Variants in MPDZ observed in about 807,000 individuals in gnomAD.
The protein encoded by MPDZ is multiple PDZ domain protein.
A neutral mutation model predicts 239.1 loss-of-function variants in MPDZ; 234 were observed. The ratio of observed to expected loss-of-function variants is 0.98; its 90% CI spans 0.88 to 1.09. The LOEUF (loss-of-function observed/expected upper bound fraction) is 1.09, where lower values mean the gene tolerates loss of function less well. MPDZ is among the 50% of genes least tolerant of loss of function. The probability of loss-of-function intolerance (pLI) is 0.00; values close to 1 mark genes in which losing one functional copy is unlikely to be tolerated. For missense variants in MPDZ, 3,175 were observed against 2,510.0 expected (o/e 1.26, Z -5.66); for synonymous variants, 1,048 against 881.3 (o/e 1.19, Z -3.35).
intron 1 of MPDZ, among the ~76,000 whole-genome samples, chr9:13,273,775 CATTGACT>C (rs1369857589): frequency 6.6e-6 from 1 of 152,188 alleles, no homozygotes; most frequent in African/African-American, 2.4e-5. Context: ...TCAGTATAAA[CATTGACT>C]ATTAACACTT....
rs61753787 is a variant in MPDZ, at chr9:13,222,322, T to A, written c.658A>T (p.Ile220Phe). The A allele has an allele frequency of 4.2e-5, 68 of 1,612,904 alleles. 1 individual carries two copies. In the African/African-American group the frequency reaches 8.9e-4, roughly 21 times the overall value. ...AGCTGAGGCAATGAGCCTCTGGCAA[T>A]AACTAGCTGGACAGTATCTTTGGCT... ...QKAKDTVQLV[I>F]ARGSLPQLVS... is the part of the protein sequence containing the mutation. The change falls in exon 6 of 47, where the codon ATT (isoleucine) becomes TTT (phenylalanine). Residue 220 changes from isoleucine (I) to phenylalanine (F), a missense_variant. Transcript: ENST00000319217.
At chr9:13,269,651 A>G (rs1397158301) in intron 1 of MPDZ, among the ~76,000 whole-genome samples, 1 of 152,228 alleles carries the variant, frequency 6.6e-6, no homozygotes, top group East Asian at 1.9e-4. Context: ...TGTTCACAAT[A>G]AAAGAAGTAT....
At chr9:13,242,215 CTTTTTTTTTTTTT>C (rs145555644) in intron 3 of MPDZ, among the ~76,000 whole-genome samples, 1 of 50,754 alleles carries the variant, frequency 2.0e-5, no homozygotes, top group Non-Finnish European at 3.3e-5. Context: ...TGTTAGGATG[CTTTTTTTTTTTTT>C]TTTTTTTTTT....
chr9:13,161,065 T>G (rs1435235841), intron 23 of MPDZ, among the ~76,000 whole-genome samples: 1 of 151,272 alleles, frequency 6.6e-6, no homozygotes, highest in Admixed American at 6.6e-5. Context: ...GAGGGACAAT[T>G]ATACTCCTTT....
intron 19 of MPDZ, among the ~76,000 whole-genome samples, chr9:13,180,813 G>A (rs1953210406): frequency 6.6e-6 from 1 of 151,800 alleles, no homozygotes. Flanking sequence ...TTGAGTAATT[G>A]TTATTTCCCG....
intron 19 of MPDZ, among the ~76,000 whole-genome samples, chr9:13,181,805 C>T (rs543112712): frequency 7.9e-5 from 12 of 152,248 alleles, no homozygotes; most frequent in Non-Finnish European, 1.6e-4. Context: ...ACAATGCAAT[C>T]TGTCCACTGG....
chr9:13,161,718 A>C (rs1050277224), intron 23 of MPDZ, among the ~76,000 whole-genome samples: 1 of 152,122 alleles, frequency 6.6e-6, no homozygotes, highest in Non-Finnish European at 1.5e-5. Flanking sequence ...TGAGAGTGTA[A>C]AATGGTACAT....
Position 13,121,102 on chromosome 9 carries a change from T to C in MPDZ, c.5231+637A>G, listed in dbSNP as rs1944274506. On this transcript the variant is annotated intron_variant, in intron 38 of 46. Transcript: ENST00000319217. The stretch of plus-strand genomic sequence containing the variant: ...TGTACTCATATACAAATGAATTAGG[T>C]TGTGAATTTTTGCGCATTCACTATT... Among the ~76,000 whole-genome samples the C allele has an allele frequency of 2.6e-5, 4 of 152,336 alleles. No individual in the cohort carries two copies. In the South Asian group the frequency reaches 8.3e-4, roughly 32 times the overall value.
intron 28 of MPDZ, among the ~76,000 whole-genome samples, chr9:13,139,505 AG>A (rs774585782): frequency 6.6e-6 from 1 of 152,220 alleles, no homozygotes; most frequent in Non-Finnish European, 1.5e-5. Flanking sequence ...GATAACCACT[AG>A]GCTAAAGCTT....
intron 8 of MPDZ, among the ~76,000 whole-genome samples, chr9:13,218,002 T>C (rs1958580542): frequency 6.6e-6 from 1 of 151,818 alleles, no homozygotes; most frequent in African/African-American, 2.4e-5. Flanking sequence ...CAATAAGCTA[T>C]TGGTACTATG....
chr9:13,270,074 T>G (rs1213698815), intron 1 of MPDZ, among the ~76,000 whole-genome samples: 1 of 152,188 alleles, frequency 6.6e-6, no homozygotes, highest in African/African-American at 2.4e-5. Flanking sequence ...TTAAAAGGGC[T>G]TATTCTTTCA....
Position 13,263,909 on chromosome 9 carries a change from T to A in MPDZ, c.-57-13537A>T, listed in dbSNP as rs1401868620. Among the ~76,000 whole-genome samples, 3 of 152,304 alleles carry A rather than the reference T, an allele frequency of 2.0e-5. No homozygotes were observed. The East Asian group carries it at 5.8e-4, about 29-fold the overall frequency. ...TGAACAGTTAGTCACACAATATATA[T>A]AAGCTAATACTAAATTATGGAAAAG... On this transcript the variant is annotated intron_variant, in intron 1 of 46. Coordinates refer to ENST00000319217, the MANE Select transcript of MPDZ (RefSeq NM_001378778.1).
At chr9:13,159,637 G>C (rs1342853067) in intron 23 of MPDZ, among the ~76,000 whole-genome samples, 1 of 152,084 alleles carries the variant, frequency 6.6e-6, no homozygotes, top group East Asian at 1.9e-4. Flanking sequence ...GGGATGGGGG[G>C]AGGTCCTTAG....
chr9:13,166,008 A>T (rs905736980), intron 22 of MPDZ, among the ~76,000 whole-genome samples: 3 of 152,154 alleles, frequency 2.0e-5, no homozygotes, highest in Admixed American at 6.6e-5. Context: ...TCTCTCAATA[A>T]GCAATGCTTT....
chr9:13,136,700 G>C lies in MPDZ; in HGVS notation c.4292+12C>G, dbSNP rs572182354. 2 of 1,504,140 alleles carry C rather than the reference G, an allele frequency of 1.3e-6. No individual in the cohort carries two copies. The highest frequency in any genetic ancestry group is 9.1e-7 in the Non-Finnish European group (1 of 1,094,786). The allele number at this position is 1,504,140 out of a possible 1,614,324, so 93.2% of individuals were successfully genotyped here. A position where few individuals can be genotyped will look rare whatever the true frequency, so the allele number is the denominator to read the frequency against. The stretch of plus-strand genomic sequence containing the variant: ...AAAAGTATTTGGTAAACTAGCAAAA[G>C]AAAATGATCACCTGATAAAAATTAT... On this transcript the variant is annotated intron_variant, in intron 30 of 46. Coordinates refer to ENST00000319217, the MANE Select transcript of MPDZ (RefSeq NM_001378778.1).
At chr9:13,131,418 G>A (rs1466458564) in intron 32 of MPDZ, among the ~76,000 whole-genome samples, 3 of 152,082 alleles carry the variant, frequency 2.0e-5, no homozygotes, top group Non-Finnish European at 2.9e-5. Flanking sequence ...CTAATATAAA[G>A]GGATTTTCCT....
chr9:13,199,223 T>C (rs1956090485), intron 12 of MPDZ, among the ~76,000 whole-genome samples: 1 of 152,116 alleles, frequency 6.6e-6, no homozygotes, highest in Non-Finnish European at 1.5e-5. Flanking sequence ...AGAAATCTTT[T>C]ACTTCTTTGT....
rs966987044 is a variant in MPDZ, at chr9:13,133,208, G to A, written c.4464+616C>T. On this transcript the variant is annotated intron_variant, in intron 32 of 46. Coordinates refer to ENST00000319217, the MANE Select transcript of MPDZ (RefSeq NM_001378778.1). ...GAGCAGAAATCAGAAAGGGAAAGAG[G>A]AAGATGTCATCTCTCTTAAATGGCA... 2.6e-5 allele frequency among the ~76,000 whole-genome samples: 4 copies of A among 152,210 alleles called. No homozygotes were observed. The South Asian group carries it at 8.3e-4, about 32-fold the overall frequency.
At chr9:13,256,748 G>A (rs542000971) in intron 1 of MPDZ, among the ~76,000 whole-genome samples, 354 of 152,146 alleles carry the variant, frequency 2.3e-3, no homozygotes, top group African/African-American at 8.2e-3. Context: ...CACTGTAACA[G>A]ACATAATAAT....
Sources: allele counts gnomAD v4.1 joint callset (sites outside exome capture counted in the v4.1 genomes callset), GRCh38; gene constraint gnomAD v4.1.1; transcripts MANE v1.5; gene names NCBI Gene and HGNC (gene_info 2026-07-23, HGNC 2026-07-21).